The following ANKRD36C variants were observed in gnomAD, a reference collection of about 807,000 sequenced individuals.
ANKRD36C encodes the protein ankyrin repeat domain-containing protein 36C.
ANKRD36C carries 61 observed loss-of-function variants against 276.4 expected under a neutral mutation model. That is an observed-to-expected ratio of 0.22 (90% confidence interval 0.18 to 0.27). ANKRD36C has a LOEUF of 0.27. Among genes scored for constraint, ANKRD36C ranks in the 10% least tolerant of loss-of-function variants. The probability of loss-of-function intolerance (pLI) is 1.00; values close to 1 mark genes in which losing one functional copy is unlikely to be tolerated. For missense variants in ANKRD36C, 1,447 were observed against 2,032.3 expected, an observed-to-expected ratio of 0.71 and a Z score of 5.54; for synonymous variants, 483 against 680.1, an observed-to-expected ratio of 0.71 and a Z score of 4.51.
chr2:95,956,658 A>G (rs1438350818), intron 13 of ANKRD36C, 128 bp downstream of exon 13: 3 of 906,700 alleles, frequency 3.3e-6, no homozygotes, highest in Admixed American at 3.0e-5. Context: ...TGGAGATGAC[A>G]TGACATGATA....
At chr2:95,856,213 T>C in intron 62 of ANKRD36C, 33 bp from the exon 83 acceptor site, 2 of 1,575,276 alleles carry the variant, frequency 1.3e-6, no homozygotes, top group Non-Finnish European at 1.7e-6. Flanking sequence ...GTAACTAGTA[T>C]CCAATAGGAT....
chr2:95,982,967 AAT>A (rs1381822236), intron 3 of ANKRD36C, among the ~76,000 whole-genome samples: 1 of 150,880 alleles, frequency 6.6e-6, no homozygotes, highest in Admixed American at 6.6e-5. Flanking sequence ...CCTATTTGTA[AAT>A]ACTTATTTTG....
intron 59 of ANKRD36C, among the ~76,000 whole-genome samples, chr2:95,876,214 C>A (rs1376785326): frequency 6.6e-6 from 1 of 152,132 alleles, no homozygotes; most frequent in Admixed American, 6.5e-5. Flanking sequence ...ATATCAGGAA[C>A]TTTTTAACTC....
chr2:95,947,179 C>G (rs571837734), intron 17 of ANKRD36C, among the ~76,000 whole-genome samples: 3 of 151,288 alleles, frequency 2.0e-5, no homozygotes, highest in Non-Finnish European at 4.4e-5. Flanking sequence ...TTAGAAAACA[C>G]GCTGTATCCA....
At chr2:95,961,414 C>A (rs184444006) in intron 8 of ANKRD36C, among the ~76,000 whole-genome samples, 42 of 151,506 alleles carry the variant, frequency 2.8e-4, no homozygotes, top group Non-Finnish European at 5.6e-4. Context: ...AGTTACTGTA[C>A]GCATTAGATA....
intron 42 of ANKRD36C, among the ~76,000 whole-genome samples, chr2:95,908,106 T>C (rs1338265247): frequency 2.0e-5 from 3 of 150,820 alleles, no homozygotes; most frequent in South Asian, 2.1e-4. Flanking sequence ...TAACAGTGTC[T>C]ACGGGTTGTT....
At chr2:95,858,757 G>T (rs545219279) in intron 61 of ANKRD36C, among the ~76,000 whole-genome samples, 1 of 152,126 alleles carries the variant, frequency 6.6e-6, no homozygotes, top group Admixed American at 6.5e-5. Context: ...ACTAGGTTAA[G>T]AATGTAATAT....
intron 12 of ANKRD36C, among the ~76,000 whole-genome samples, 192 bp downstream of exon 12, chr2:95,958,399 A>G (rs1002341269): frequency 5.9e-5 from 9 of 152,136 alleles, no homozygotes; most frequent in Admixed American, 1.3e-4. Flanking sequence ...GAAGTCTATA[A>G]TCTTACTACT....
At chr2:95,955,288 G>A (rs1678300907) in intron 13 of ANKRD36C, among the ~76,000 whole-genome samples, 1 of 152,272 alleles carries the variant, frequency 6.6e-6, no homozygotes, top group Admixed American at 6.5e-5. Flanking sequence ...ACTCTTTCCA[G>A]TGGCTCAAAT....
chr2:95,867,219 T>C (rs1484520596), intron 60 of ANKRD36C, among the ~76,000 whole-genome samples: 1 of 152,166 alleles, frequency 6.6e-6, no homozygotes, highest in African/African-American at 2.4e-5. Context: ...ACAAACACAC[T>C]GTGTGTATCA....
chr2:95,926,647 A>G (rs1321714728), intron 28 of ANKRD36C, among the ~76,000 whole-genome samples: 2 of 151,560 alleles, frequency 1.3e-5, no homozygotes, highest in Non-Finnish European at 3.0e-5. Context: ...AAAGCAGCCA[A>G]AATCAAAGCT....
At position 95,948,299 on chromosome 2, in the gene ANKRD36C, A is replaced by AT. The variant is rs1044329119; in HGVS notation, c.1362+230dup. 5.6e-3 allele frequency among the ~76,000 whole-genome samples: 522 copies of AT among 92,604 alleles called. 7 individuals carry two copies. Among genetic ancestry groups the AT allele is most frequent in the Non-Finnish European group, 1.4e-3 (60 of 43,032 alleles). The allele number at this position is 92,604 out of a possible 152,430, so 60.8% of individuals were successfully genotyped here. On this transcript the variant is annotated intron_variant, in intron 17 of 66. Transcript: ENST00000456556. ...TTCTGTCACTATGTATTTTCCAGCA[A>AT]TTTTTTTTTCAGATCACACCTCTCA...
chr2:95,976,637 G>A (rs554358609), intron 6 of ANKRD36C, among the ~76,000 whole-genome samples: 83 of 152,196 alleles, frequency 5.5e-4, no homozygotes, highest in African/African-American at 1.9e-3. Flanking sequence ...CCCTGTGCAC[G>A]TAGCTTCTGC....
exon 61 of ANKRD36C, chr2:95,860,058 C>A: frequency 6.5e-7 from 1 of 1,534,054 alleles, no homozygotes; most frequent in Non-Finnish European, 8.8e-7. Flanking sequence ...TTTTAATTTT[C>A]AATAGGTGAA....
chr2:95,851,300 C>G, intron 66 of ANKRD36C, 105 bp from the exon 87 acceptor site: 1 of 808,748 alleles, frequency 1.2e-6, no homozygotes, highest in Non-Finnish European at 2.0e-6. Flanking sequence ...ATTGATCATC[C>G]CTAATCTAAA....
At chr2:95,866,398 G>A (rs1194898006) in intron 60 of ANKRD36C, among the ~76,000 whole-genome samples, 2 of 152,098 alleles carry the variant, frequency 1.3e-5, no homozygotes, top group Non-Finnish European at 2.9e-5. Flanking sequence ...AAAAGTAATA[G>A]TATCCAAATA....
In ANKRD36C at chr2:95,958,495, C is replaced by T. The variant is rs199969561; in HGVS notation, c.1105+96G>A. The T allele has an allele frequency of 3.0e-3, 4,024 of 1,343,400 alleles. 23 individuals carry two copies. The highest frequency in any genetic ancestry group is 4.2e-3 in the African/African-American group (249 of 58,590). 83.2% of individuals were successfully genotyped at this position (1,343,400 alleles called of 1,614,324 possible). ...ATCTCAGGCCCGCTGAATCAGAATG[C>T]GCAGCTTCAATGAGCCCCCTGCTGA... On this transcript the variant is annotated intron_variant, in intron 12 of 66. Coordinates refer to ENST00000456556, the Ensembl canonical transcript of ANKRD36C.
intron 51 of ANKRD36C, 30 bp from the exon 72 acceptor site, chr2:95,886,150 T>C (rs1435588176): frequency 6.3e-7 from 1 of 1,583,272 alleles, no homozygotes; most frequent in Admixed American, 1.8e-5. Context: ...AAATAATCAA[T>C]ACATAAAGTA....
In ANKRD36C at chr2:95,916,213, T is replaced by C. The variant is rs147149451; in HGVS notation, c.2348-42A>G. 7.1e-4 allele frequency: 1,141 copies of C among 1,600,768 alleles called. 5 individuals are homozygous for C. In the African/African-American group the frequency reaches 0.014, roughly 19 times the overall value. On this transcript the variant is annotated intron_variant, in intron 36 of 66. Coordinates refer to ENST00000456556, the Ensembl canonical transcript of ANKRD36C. Reference sequence around the variant, plus strand: ...ACACGTAATCACTCACTCGTAAATATGATAAAGTTATCCATACATTCACAC... The same window carrying C: ...ACACGTAATCACTCACTCGTAAATACGATAAAGTTATCCATACATTCACAC...
Sources: gnomAD v4.1 joint callset for allele counts (sites outside exome capture counted in the v4.1 genomes callset) on GRCh38, gnomAD v4.1.1 for gene constraint, MANE v1.5 for transcripts, NCBI Gene and HGNC (gene_info 2026-07-23, HGNC 2026-07-21) for gene names.